The following ARHGEF40 variants were observed in gnomAD, a reference collection of about 807,000 sequenced individuals.
The protein encoded by ARHGEF40 is Rho guanine nucleotide exchange factor (GEF) 40.
ARHGEF40 carries 98 observed loss-of-function variants against 165.9 expected under a neutral mutation model. That is an observed-to-expected ratio of 0.59 (90% CI 0.50 to 0.70). ARHGEF40 has a LOEUF of 0.70. ARHGEF40 is among the 30% of genes least tolerant of loss of function. The pLI, the probability that ARHGEF40 is intolerant of heterozygous loss-of-function variation, is 0.00. For synonymous variants in ARHGEF40, 792 were observed against 814.3 expected (o/e 0.97, Z 0.47); for missense variants, 1,815 against 1,968.0 (o/e 0.92, Z 1.47).
Position 21,078,263 on chromosome 14 carries a change from A to G in ARHGEF40, c.2121A>G (p.Pro707=). The stretch of plus-strand genomic sequence containing the variant: ...AGGAGCTGGAGGGAGCAGCAGAGCC[A>G]GAGGAAGAGGTATGAAATGAGATGG... The part of the protein sequence containing the change: ...AIEELEGAAE[P]EEEEAVGMPK... Residue 707 remains proline, a synonymous_variant, in exon 9 of 24, where the codon CCA becomes CCG. Transcript: ENST00000298694. The G allele has an allele frequency of 6.2e-7, 1 of 1,613,886 alleles. No individual in the cohort carries two copies. Among genetic ancestry groups the G allele is most frequent in the Non-Finnish European group, 8.5e-7 (1 of 1,179,936 alleles).
At chr14:21,078,068 T>C (rs1341138457) in intron 8 of ARHGEF40, 109 bp from the exon 9 acceptor site, 3 of 947,114 alleles carry the variant, frequency 3.2e-6, no homozygotes, top group Non-Finnish European at 4.6e-6. Context: ...AGGAACTGAA[T>C]TCAGCATTGC....
chr14:21,075,598 C>T lies in ARHGEF40; in HGVS notation c.1619-47C>T, dbSNP rs1887347274. On this transcript the variant is annotated intron_variant, in intron 4 of 23. Transcript: ENST00000298694. The surrounding 1 kb of genome is among the most constrained non-coding windows in gnomAD (Gnocchi z 4.5). ...GGAGGCAGGGTGGAAAGGAGGTAGG[C>T]ATGGACTGCTCCCAGCCAGGACAGC... 1.2e-6 allele frequency: 2 copies of T among 1,613,850 alleles called. No individual in the cohort carries two copies. Among genetic ancestry groups the T allele is most frequent in the Non-Finnish European group, 1.7e-6 (2 of 1,179,980 alleles).
chr14:21,066,299 CTT>C (rs35527465), upstream of ARHGEF40, among the ~76,000 whole-genome samples: 11 of 148,310 alleles, frequency 7.4e-5, no homozygotes, highest in South Asian at 8.4e-4. Flanking sequence ...TTATTTGGAT[CTT>C]TTTTTTTTGG....
chr14:21,076,672 C>T (rs751611885), intron 7 of ARHGEF40, 29 bp downstream of exon 7: 15 of 1,581,748 alleles, frequency 9.5e-6, no homozygotes, highest in Non-Finnish European at 1.0e-5. Context: ...CATCTAGTTT[C>T]CCATCAGTAG....
Position 21,070,771 on chromosome 14 carries a change from GGTTGGTCCTGCAGCGA to G in ARHGEF40, c.3+373_3+388del, listed in dbSNP as rs1886720340. ...TCCTTACCCGCGGGAGACCCCTGCG[GGTTGGTCCTGCAGCGA>G]CCCTGGAAGAGGCCCGGCCCCTCGG... On this transcript the variant is annotated intron_variant, in intron 1 of 23. Coordinates refer to ENST00000298694, the MANE Select transcript of ARHGEF40 (RefSeq NM_018071.5). The surrounding 1 kb of genome is among the most constrained non-coding windows in gnomAD (Gnocchi z 4.7). The G allele has an allele frequency of 6.6e-7, 1 of 1,526,548 alleles. No homozygotes were observed. 94.6% of individuals were successfully genotyped at this position (1,526,548 alleles called of 1,614,324 possible).
chr14:21,087,690 C>T (rs1023679837), intron 21 of ARHGEF40: 2 of 713,960 alleles, frequency 2.8e-6, no homozygotes, highest in East Asian at 5.4e-5. Context: ...TCTAGCTCTT[C>T]TTGGGTTTCT....
At chr14:21,087,787 CTAA>C (rs1410540431) in intron 21 of ARHGEF40, 178 bp from the exon 22 acceptor site, 5 of 832,922 alleles carry the variant, frequency 6.0e-6, no homozygotes, top group Non-Finnish European at 9.6e-6. Context: ...CCTGGTTGCT[CTAA>C]TGATGCTGCT....
At chr14:21,086,927 AAAAT>A (rs2139269221) in intron 19 of ARHGEF40, 70 bp from the exon 20 acceptor site, 2 of 1,183,606 alleles carry the variant, frequency 1.7e-6, no homozygotes, top group South Asian at 2.9e-5. Flanking sequence ...AAAAAAGAAA[AAAAT>A]CAACCATGAC....
chr14:21,081,590 C>G lies in ARHGEF40; in HGVS notation c.2722C>G (p.Leu908Val), dbSNP rs2139246605. ...GGAGGCTGTGCTGGCTGCACTGGCCCTGCGGCGGGCCCCAGAGCCCAGTGC... is the reference window on the plus strand; with the variant it reads ...GGAGGCTGTGCTGGCTGCACTGGCCGTGCGGCGGGCCCCAGAGCCCAGTGC... ...GREAVLAALA[L>V]RRAPEPSAGT... The change falls in exon 14 of 24, where the codon CTG (leucine) becomes GTG (valine). Residue 908 changes from leucine (L) to valine (V), a missense_variant. By Grantham distance (32) the Leu-to-Val change is conservative. Coordinates refer to ENST00000298694, the MANE Select transcript of ARHGEF40 (RefSeq NM_018071.5). The G allele has an allele frequency of 1.9e-6, 3 of 1,611,782 alleles. No individual in the cohort carries two copies. The East Asian group carries it at 6.7e-5, about 36-fold the overall frequency.
Position 21,087,376 on chromosome 14 carries a change from C to G in ARHGEF40, c.4300C>G (p.Leu1434Val), listed in dbSNP as rs572533087. Residue 1434 changes from leucine (L) to valine (V), a missense_variant, in exon 21 of 24, where the codon CTT becomes GTT. Coordinates refer to ENST00000298694, the MANE Select transcript of ARHGEF40 (RefSeq NM_018071.5). ...ATCCTTTGAGCATGCCGGCCCCTCC[C>G]TTCCCGGCCTTTCGCCGGGAGCCTG... ...VSSFEHAGPS[L>V]PGLSPGACSL... 2.5e-6 allele frequency: 4 copies of G among 1,604,598 alleles called. No homozygotes were observed. The African/African-American group carries it at 4.0e-5, about 16-fold the overall frequency.
At chr14:21,085,132 T>A (rs1880301862) in intron 18 of ARHGEF40, among the ~76,000 whole-genome samples, 1 of 152,148 alleles carries the variant, frequency 6.6e-6, no homozygotes, top group African/African-American at 2.4e-5. Context: ...TCCTTATCAT[T>A]CATGCAGAAC....
In ARHGEF40 at chr14:21,084,777, C is replaced by T. The variant is rs1350489747; in HGVS notation, c.3814C>T (p.Leu1272Phe). 1.2e-6 allele frequency: 2 copies of T among 1,613,946 alleles called. No homozygotes were observed. The highest frequency in any genetic ancestry group is 1.1e-5 in the South Asian group (1 of 91,060). ...CEIDLKEQGQ[L>F]LHRDPFTVIC... ...GATAGATCTGAAGGAGCAGGGACAG[C>T]TCTTGCATCGAGACCCCTTCACTGT... Residue 1272 changes from leucine to phenylalanine, a missense_variant, in exon 18 of 24, where the codon CTC (leucine) becomes TTC (phenylalanine). By Grantham distance (22) the Leu-to-Phe change is conservative (BLOSUM62 0). Coordinates refer to ENST00000298694, the MANE Select transcript of ARHGEF40 (RefSeq NM_018071.5).
Position 21,080,645 on chromosome 14 carries a change from C to T in ARHGEF40, c.2374-15C>T, listed in dbSNP as rs754100267. On this transcript the variant is annotated splice_polypyrimidine_tract_variant and intron_variant, in intron 11 of 23. Transcript: ENST00000298694. ...CACTCCATGACCCCCTGCCCTCCCA[C>T]CCCATCTGCCTCAGGTGTTGCAGTG... 4.4e-6 allele frequency: 7 copies of T among 1,606,240 alleles called. No individual in the cohort carries two copies. The East Asian group carries it at 6.7e-5, about 15-fold the overall frequency.
upstream of ARHGEF40, among the ~76,000 whole-genome samples, chr14:21,067,923 C>CTGATTCTCTA (rs767538744): frequency 2.0e-5 from 3 of 151,700 alleles, no homozygotes; most frequent in Non-Finnish European, 2.9e-5. Flanking sequence ...AACTGCATCC[C>CTGATTCTCTA]TGATTCTCTA....
Position 21,076,885 on chromosome 14 carries a change from C to G in ARHGEF40, c.2029C>G (p.His677Asp), listed in dbSNP as rs371187488. 2.5e-6 allele frequency: 4 copies of G among 1,611,996 alleles called. No homozygotes were observed. In the African/African-American group the frequency reaches 5.3e-5, roughly 22 times the overall value. ...CTCTCCCAGTCACTGGGTAGAGATA[C>G]ACCAGGTAAGCTTCCCCTCTACCAC... is the stretch of plus-strand genomic sequence containing the variant. ...DPSPSHWVEI[H>D]QEVVRLCRLC... The change falls in exon 8 of 24, where the codon CAC becomes GAC. Residue 677 changes from histidine (H) to aspartate (D), a missense_variant. Physicochemically the swap from His to Asp is moderately conservative, Grantham distance 81 (BLOSUM62 -1). Transcript: ENST00000298694.
upstream of ARHGEF40, among the ~76,000 whole-genome samples, chr14:21,066,699 AGTG>A (rs1886288055): frequency 6.6e-6 from 1 of 152,218 alleles, no homozygotes; most frequent in Non-Finnish European, 1.5e-5. Context: ...AGAAGGTAAG[AGTG>A]GAACAGGCAG....
rs1377718791 is a variant in ARHGEF40 at position 21,078,814 on chromosome 14, G to A, written c.2247-70G>A. 2.5e-6 allele frequency: 4 copies of A among 1,575,558 alleles called. No homozygotes were observed. In the African/African-American group the frequency reaches 4.0e-5, roughly 16 times the overall value. ...CAACCTCTCATGTTTGCATCCCTCA[G>A]AGGCACGGAAGGACAGAATTGAGGG... On this transcript the variant is annotated intron_variant, in intron 10 of 23. Transcript: ENST00000298694.
chr14:21,088,047 G>T lies in ARHGEF40; in HGVS notation c.4467G>T (p.Gly1489=). The change falls in exon 22 of 24, where the codon GGG becomes GGT. Residue 1489 remains glycine, a synonymous_variant. Coordinates refer to ENST00000298694, the MANE Select transcript of ARHGEF40 (RefSeq NM_018071.5). ...NSPSLQPPHP[G]SSTPTLASRG... ...CCAGCCTGCAACCCCCCCACCCTGG[G>T]AGCAGCACTCCCACCCTGGCCAGTC... 1 of 1,614,006 alleles carries T rather than the reference G, an allele frequency of 6.2e-7. No individual in the cohort carries two copies. Among genetic ancestry groups the T allele is most frequent in the Non-Finnish European group, 8.5e-7 (1 of 1,179,972 alleles).
chr14:21,070,962 AG>A lies in ARHGEF40; in HGVS notation c.3+564del, dbSNP rs1886769324. 3.4e-6 allele frequency: 4 copies of A among 1,169,602 alleles called. No homozygotes were observed. The highest frequency in any genetic ancestry group is 4.1e-5 in the Admixed American group (2 of 48,482). 72.5% of individuals were successfully genotyped at this position (1,169,602 alleles called of 1,614,324 possible). A position where few individuals can be genotyped will look rare whatever the true frequency, so the allele number is the denominator to read the frequency against. ...TGGCCAAAGAGGGAAATTCCCGCAG[AG>A]AAAAAGAGCTGCCTCAGGATAGTTG... On this transcript the variant is annotated intron_variant, in intron 1 of 23. Coordinates refer to ENST00000298694, the MANE Select transcript of ARHGEF40 (RefSeq NM_018071.5). This position sits in a 1 kb window ranked among gnomAD's most constrained non-coding sequence, Gnocchi z 4.7.
Sources: gnomAD v4.1 joint callset for allele counts (sites outside exome capture counted in the v4.1 genomes callset) on GRCh38, gnomAD v4.1.1 for gene constraint, Gnocchi (gnomAD v3.1) non-coding constraint, MANE v1.5 for transcripts, NCBI Gene and HGNC (gene_info 2026-07-23, HGNC 2026-07-21) for gene names.